CRPPA: variants seen among roughly 807,000 people sequenced by gnomAD.
CRPPA encodes the protein D-ribitol-5-phosphate cytidylyltransferase.
Under a neutral mutation model 52.0 loss-of-function variants are expected in CRPPA, and 43 were observed. That is an observed-to-expected ratio of 0.83 (90% CI 0.65 to 1.07). The LOEUF is 1.07. CRPPA is among the 50% of genes least tolerant of loss of function. The probability of loss-of-function intolerance (pLI) is 0.00; values close to 1 mark genes in which losing one functional copy is unlikely to be tolerated. For synonymous variants in CRPPA, 250 were observed against 203.5 expected (o/e 1.23, Z -1.94); for missense variants, 629 against 551.7 (o/e 1.14, Z -1.40).
At chr7:16,157,078 GT>G (rs1473246345) in intron 9 of CRPPA, among the ~76,000 whole-genome samples, 3 of 151,952 alleles carry the variant, frequency 2.0e-5, no homozygotes, top group Non-Finnish European at 2.9e-5. Context: ...AATTCCTTTG[GT>G]AACAAAGACT....
chr7:16,111,756 G>C (rs909698672), intron 9 of CRPPA, among the ~76,000 whole-genome samples: 1 of 152,110 alleles, frequency 6.6e-6, no homozygotes, highest in African/African-American at 2.4e-5. Flanking sequence ...CCAAAAGATG[G>C]GGTTAGGGGA....
At chr7:16,413,898 C>G (rs1168368045) in intron 1 of CRPPA, among the ~76,000 whole-genome samples, 2 of 152,104 alleles carry the variant, frequency 1.3e-5, no homozygotes, top group African/African-American at 2.4e-5. Context: ...CCCAAATTTA[C>G]CTGGAGTTGT....
intron 9 of CRPPA, among the ~76,000 whole-genome samples, chr7:16,164,183 A>T (rs1178540037): frequency 1.3e-5 from 2 of 152,052 alleles, no homozygotes; most frequent in African/African-American, 4.8e-5. Context: ...ATAGCCCCAT[A>T]TTTCTTGGAG....
intron 9 of CRPPA, among the ~76,000 whole-genome samples, chr7:16,122,058 AC>A (rs1782490719): frequency 1.3e-5 from 2 of 152,034 alleles, no homozygotes; most frequent in African/African-American, 4.8e-5. Flanking sequence ...CTCCTGTGGC[AC>A]CCTGGAAACC....
chr7:16,339,203 AG>A (rs1181562352), intron 3 of CRPPA, among the ~76,000 whole-genome samples: 1 of 152,166 alleles, frequency 6.6e-6, no homozygotes, highest in Non-Finnish European at 1.5e-5. Flanking sequence ...CTGTGAGGCC[AG>A]CCTTACCCTA....
At chr7:16,230,192 T>A (rs1052223238) in intron 8 of CRPPA, among the ~76,000 whole-genome samples, 1 of 152,168 alleles carries the variant, frequency 6.6e-6, no homozygotes, top group African/African-American at 2.4e-5. Context: ...TCTCCAAAAT[T>A]AAAAACAATT....
intron 8 of CRPPA, among the ~76,000 whole-genome samples, chr7:16,244,069 TA>T: frequency 6.6e-6 from 1 of 152,288 alleles, no homozygotes; most frequent in East Asian, 1.9e-4. Flanking sequence ...AAACATAACC[TA>T]AAGGATTTTA....
At chr7:16,418,821 A>G (rs1277870908) in intron 1 of CRPPA, among the ~76,000 whole-genome samples, 2 of 152,180 alleles carry the variant, frequency 1.3e-5, no homozygotes, top group East Asian at 1.9e-4. Context: ...GACACAGCCA[A>G]ACCATATCAG....
At chr7:16,184,232 C>G (rs574493917) in intron 9 of CRPPA, among the ~76,000 whole-genome samples, 3 of 152,152 alleles carry the variant, frequency 2.0e-5, no homozygotes, top group Non-Finnish European at 2.9e-5. Flanking sequence ...TGAGCCACCA[C>G]GCCCGGCCTG....
rs569192782 is a variant in CRPPA, at chr7:16,421,194, G to C, written c.129C>G (p.His43Gln). The change falls in exon 1 of 10, where the codon CAC becomes CAG. Residue 43 changes from histidine to glutamine, a missense_variant. His to Gln is a conservative substitution (Grantham distance 24). Coordinates refer to ENST00000407010, the MANE Select transcript of CRPPA (RefSeq NM_001101426.4). ...QSVAGTEPGR[H>Q]PQAVAAVLPA... The stretch of plus-strand genomic sequence containing the variant: ...GCAACACAGCTGCCACGGCTTGCGG[G>C]TGGCGCCCGGGCTCGGTCCCGGCCA... 2.2e-6 allele frequency: 3 copies of C among 1,341,938 alleles called. No homozygotes were observed. In the South Asian group the frequency reaches 6.1e-5, roughly 27 times the overall value. 83.1% of individuals were successfully genotyped at this position (1,341,938 alleles called of 1,614,324 possible).
intron 9 of CRPPA, among the ~76,000 whole-genome samples, chr7:16,181,203 A>G (rs1047773847): frequency 1.3e-5 from 2 of 151,956 alleles, no homozygotes; most frequent in Non-Finnish European, 2.9e-5. Context: ...TTTTATATGT[A>G]CCACTGGAAT....
intron 8 of CRPPA, among the ~76,000 whole-genome samples, chr7:16,229,793 C>A (rs549775163): frequency 6.9e-4 from 105 of 152,070 alleles, no homozygotes; most frequent in South Asian, 3.3e-3. Context: ...TGAAAGGATT[C>A]CCATTAGCAT....
chr7:16,374,717 C>T (rs1298459396), intron 3 of CRPPA, among the ~76,000 whole-genome samples: 1 of 152,126 alleles, frequency 6.6e-6, no homozygotes, highest in Admixed American at 6.5e-5. Flanking sequence ...AACTTCAATA[C>T]CACTAATGCA....
chr7:16,187,773 G>T (rs1053656750), intron 9 of CRPPA, among the ~76,000 whole-genome samples: 4 of 152,282 alleles, frequency 2.6e-5, no homozygotes, highest in Middle Eastern at 3.4e-3. Flanking sequence ...TTGGGAAAAA[G>T]GGAGTTGATG....
intron 2 of CRPPA, among the ~76,000 whole-genome samples, chr7:16,381,816 C>T (rs1332670138): frequency 6.6e-6 from 1 of 151,832 alleles, no homozygotes; most frequent in African/African-American, 2.4e-5. Context: ...ATTGCAACCC[C>T]TGCCTTTTTT....
chr7:16,421,221 G>T lies in CRPPA; in HGVS notation c.102C>A (p.Ser34Arg). The T allele has an allele frequency of 7.5e-7, 1 of 1,339,342 alleles. No individual in the cohort carries two copies. The highest frequency in any genetic ancestry group is 3.7e-5 in the Admixed American group (1 of 26,836). The allele number at this position is 1,339,342 out of a possible 1,614,324, so 83.0% of individuals were successfully genotyped here. A position where few individuals can be genotyped will look rare whatever the true frequency, so the allele number is the denominator to read the frequency against. The stretch of plus-strand genomic sequence containing the variant: ...GGCGCCCGGGCTCGGTCCCGGCCAC[G>T]CTCTGCAGGGAGGCGGAAGCCGTGT... ...ADHTASASLQ[S>R]VAGTEPGRHP... The change falls in exon 1 of 10, where the codon AGC becomes AGA. Residue 34 changes from serine (S) to arginine (R), a missense_variant. Transcript: ENST00000407010.
intron 8 of CRPPA, among the ~76,000 whole-genome samples, chr7:16,246,161 G>A (rs751525829): frequency 2.6e-5 from 4 of 152,090 alleles, no homozygotes; most frequent in Non-Finnish European, 5.9e-5. Context: ...TATCAACTAA[G>A]TTTATATAAT....
At chr7:16,298,625 T>C (rs1370283995) in intron 5 of CRPPA, among the ~76,000 whole-genome samples, 1 of 152,210 alleles carries the variant, frequency 6.6e-6, no homozygotes, top group Non-Finnish European at 1.5e-5. Context: ...TTTTGTGTCA[T>C]AAATTATGTG....
chr7:16,346,717 G>T (rs1786023243), intron 3 of CRPPA, among the ~76,000 whole-genome samples: 1 of 151,996 alleles, frequency 6.6e-6, no homozygotes, highest in Non-Finnish European at 1.5e-5. Context: ...TTGTCACAAG[G>T]CTTACTTGGC....
Sources: gnomAD v4.1 joint callset for allele counts (sites outside exome capture counted in the v4.1 genomes callset) on GRCh38, gnomAD v4.1.1 for gene constraint, MANE v1.5 for transcripts, NCBI Gene and HGNC (gene_info 2026-07-23, HGNC 2026-07-21) for gene names.